Variants in QTMAN observed in about 807,000 individuals in gnomAD.
QTMAN encodes tRNA-queuosine alpha-mannosyltransferase.
At chr2:144,060,123 T>G in the QTMAN span, among the ~76,000 whole-genome samples, 3 of 152,088 alleles carry the variant, frequency 2.0e-5, no homozygotes, top group Non-Finnish European at 4.4e-5. Flanking sequence ...CCCATCAAAC[T>G]TTTGATGTAT....
At chr2:144,208,858 T>G in the QTMAN span, 1 of 1,041,658 alleles carries the variant, frequency 9.6e-7, no homozygotes, top group Non-Finnish European at 1.3e-6. Flanking sequence ...TGTATAAAAT[T>G]TTTAATAAAA....
At chr2:144,072,948 A>AT in the QTMAN span, among the ~76,000 whole-genome samples, 21 of 152,154 alleles carry the variant, frequency 1.4e-4, no homozygotes, top group African/African-American at 4.3e-4. Flanking sequence ...ACACAGGGGG[A>AT]TTTTATGTTA....
At chr2:144,100,856 TTTC>T in the QTMAN span, among the ~76,000 whole-genome samples, 3 of 145,798 alleles carry the variant, frequency 2.1e-5, no homozygotes, top group Non-Finnish European at 3.0e-5. Flanking sequence ...TTAGTCTTTC[TTTC>T]TTTTTTTTTT....
the QTMAN span, among the ~76,000 whole-genome samples, chr2:144,257,846 C>T: frequency 7.9e-5 from 12 of 151,830 alleles, no homozygotes; most frequent in African/African-American, 2.7e-4. Flanking sequence ...AGGCAAATGG[C>T]AGATTAAGAA....
At chr2:144,113,413 T>C in the QTMAN span, among the ~76,000 whole-genome samples, 2 of 147,296 alleles carry the variant, frequency 1.4e-5, no homozygotes, top group Non-Finnish European at 3.0e-5. Context: ...TGAACAACAG[T>C]GGAAAAAAAA....
chr2:143,953,379 G>T, the QTMAN span, among the ~76,000 whole-genome samples: 1 of 151,838 alleles, frequency 6.6e-6, no homozygotes, highest in Non-Finnish European at 1.5e-5. Flanking sequence ...TTATTATGCA[G>T]AATGTAAAAC....
chr2:144,203,928 A>C, the QTMAN span, among the ~76,000 whole-genome samples: 2 of 151,874 alleles, frequency 1.3e-5, no homozygotes, highest in African/African-American at 4.8e-5. Context: ...GGTGCTGGGA[A>C]AACTGGCTAG....
At chr2:144,094,561 C>T in the QTMAN span, among the ~76,000 whole-genome samples, 1 of 152,074 alleles carries the variant, frequency 6.6e-6, no homozygotes, top group Non-Finnish European at 1.5e-5. Flanking sequence ...AGAATAAGTG[C>T]AAGCAGGGGA....
the QTMAN span, among the ~76,000 whole-genome samples, chr2:144,175,650 T>C: frequency 0.056 from 8,427 of 151,400 alleles, 388 homozygotes; most frequent in African/African-American, 0.12. Context: ...TGTATCTATT[T>C]ATCTATATAT....
At chr2:144,045,051 C>G in the QTMAN span, among the ~76,000 whole-genome samples, 11 of 152,178 alleles carry the variant, frequency 7.2e-5, no homozygotes, top group Admixed American at 1.3e-4. Context: ...TGTAGTTATA[C>G]TCAAATACTT....
the QTMAN span, among the ~76,000 whole-genome samples, chr2:143,948,696 T>G: frequency 0.058 from 8,764 of 152,240 alleles, 329 homozygotes; most frequent in East Asian, 0.16. Context: ...GAATTTTCCA[T>G]AAGTAAATTC....
At chr2:144,208,307 T>C in the QTMAN span, among the ~76,000 whole-genome samples, 2 of 152,168 alleles carry the variant, frequency 1.3e-5, no homozygotes, top group Non-Finnish European at 2.9e-5. Flanking sequence ...GAAGATCTAC[T>C]GTTCTCTCAG....
chr2:144,190,784 G>A, the QTMAN span, among the ~76,000 whole-genome samples: 6 of 152,136 alleles, frequency 3.9e-5, no homozygotes, highest in Non-Finnish European at 7.4e-5. Context: ...GATTCTAAGG[G>A]ATGGTGGAAA....
the QTMAN span, among the ~76,000 whole-genome samples, chr2:144,313,822 C>T: frequency 6.7e-6 from 1 of 149,624 alleles, no homozygotes; most frequent in Non-Finnish European, 1.5e-5. Context: ...TACTAGATTT[C>T]AGCTATTACA....
At chr2:144,167,192 T>C in the QTMAN span, among the ~76,000 whole-genome samples, 1 of 152,218 alleles carries the variant, frequency 6.6e-6, no homozygotes, top group Non-Finnish European at 1.5e-5. Flanking sequence ...TTGATGCTTT[T>C]ATATTCCTGT....
At chr2:144,043,663 G>GT in the QTMAN span, among the ~76,000 whole-genome samples, 1 of 151,752 alleles carries the variant, frequency 6.6e-6, no homozygotes, top group Non-Finnish European at 1.5e-5. Context: ...AGCTCTGTTG[G>GT]TAAGGTAAAC....
chr2:144,310,451 G>A, the QTMAN span, among the ~76,000 whole-genome samples: 14 of 152,288 alleles, frequency 9.2e-5, no homozygotes, highest in Admixed American at 2.6e-4. Flanking sequence ...TTTGAAGAAC[G>A]ACAGGATTTA....
At chr2:143,988,032 C>T in the QTMAN span, among the ~76,000 whole-genome samples, 11 of 152,154 alleles carry the variant, frequency 7.2e-5, no homozygotes, top group Non-Finnish European at 1.3e-4. Flanking sequence ...TGGCTTGTAT[C>T]TTTTCCTCTA....
the QTMAN span, among the ~76,000 whole-genome samples, chr2:144,105,447 C>T: frequency 5.3e-5 from 8 of 152,242 alleles, no homozygotes; most frequent in Non-Finnish European, 7.4e-5. Context: ...ACGAGAACTA[C>T]GTGATGAATG....
Sources: gnomAD v4.1 joint callset for allele counts (sites outside exome capture counted in the v4.1 genomes callset) on GRCh38, gnomAD v4.1.1 for gene constraint, MANE v1.5 for transcripts, NCBI Gene and HGNC (gene_info 2026-07-23, HGNC 2026-07-21) for gene names.